UBASH3B: variants seen among roughly 807,000 people sequenced by gnomAD.
The protein encoded by UBASH3B is ubiquitin-associated and SH3 domain-containing protein B.
A neutral mutation model predicts 83.4 loss-of-function variants in UBASH3B; 37 were observed. The ratio of observed to expected loss-of-function variants is 0.44; its 90% CI spans 0.34 to 0.58. UBASH3B has a LOEUF of 0.58. Among genes scored for constraint, UBASH3B ranks in the 20% least tolerant of loss-of-function variants. The probability of loss-of-function intolerance (pLI) is 0.01; values close to 1 mark genes in which losing one functional copy is unlikely to be tolerated. For missense variants in UBASH3B, 657 were observed against 827.2 expected (o/e 0.79, Z 2.52); for synonymous variants, 304 against 318.3 (o/e 0.96, Z 0.48).
intron 1 of UBASH3B, among the ~76,000 whole-genome samples, chr11:122,661,978 C>A (rs562574280): frequency 4.1e-4 from 61 of 150,124 alleles, no homozygotes; most frequent in African/African-American, 1.5e-3. Context: ...GTGATCTCAG[C>A]TCACTGCAAC....
intron 10 of UBASH3B, among the ~76,000 whole-genome samples, chr11:122,799,313 C>A (rs1861209049): frequency 6.6e-6 from 1 of 152,012 alleles, no homozygotes. Context: ...CATGGAGAAA[C>A]CCCGTCTCTA....
intron 2 of UBASH3B, among the ~76,000 whole-genome samples, chr11:122,776,574 C>T (rs1241818977): frequency 1.3e-5 from 2 of 152,166 alleles, no homozygotes; most frequent in Admixed American, 6.5e-5. Context: ...TGAGAAAATC[C>T]ATTTAGAAAA....
intron 1 of UBASH3B, among the ~76,000 whole-genome samples, chr11:122,695,077 T>A (rs531109581): frequency 8.1e-5 from 12 of 148,446 alleles, no homozygotes; most frequent in African/African-American, 2.7e-4. Context: ...GATTCTCCTG[T>A]CTCAGCCTCC....
chr11:122,794,901 G>T (rs1003620166), intron 7 of UBASH3B, 67 bp downstream of exon 7: 1 of 1,597,270 alleles, frequency 6.3e-7, no homozygotes, highest in Non-Finnish European at 8.5e-7. Flanking sequence ...TATTTATTAA[G>T]CATGAGGCCT....
At chr11:122,711,374 C>T (rs992156461) in intron 1 of UBASH3B, among the ~76,000 whole-genome samples, 1 of 152,198 alleles carries the variant, frequency 6.6e-6, no homozygotes, top group African/African-American at 2.4e-5. Context: ...TTTCGTCACT[C>T]TCCAGCCACG....
At chr11:122,714,739 C>T (rs1860479988) in intron 1 of UBASH3B, among the ~76,000 whole-genome samples, 1 of 152,164 alleles carries the variant, frequency 6.6e-6, no homozygotes, top group Non-Finnish European at 1.5e-5. Flanking sequence ...GAAGCAATGT[C>T]AGCTGATGAT....
intron 11 of UBASH3B, among the ~76,000 whole-genome samples, chr11:122,804,707 G>A (rs1391039902): frequency 6.6e-6 from 1 of 152,162 alleles, no homozygotes; most frequent in South Asian, 2.1e-4. Flanking sequence ...TATTTTCAGT[G>A]CTAATAGTAG....
chr11:122,778,218 T>C (rs980621846), intron 3 of UBASH3B, among the ~76,000 whole-genome samples: 5 of 152,204 alleles, frequency 3.3e-5, no homozygotes, highest in African/African-American at 1.2e-4. Flanking sequence ...CTCTCTCTTT[T>C]TCTCTCTCTC....
At chr11:122,729,991 A>T (rs1370695107) in intron 1 of UBASH3B, among the ~76,000 whole-genome samples, 2 of 146,312 alleles carry the variant, frequency 1.4e-5, no homozygotes, top group Non-Finnish European at 3.0e-5. Context: ...AAAAAAAAAA[A>T]AAAAAAAAAA....
intron 1 of UBASH3B, among the ~76,000 whole-genome samples, chr11:122,734,452 T>C (rs1336225897): frequency 6.6e-6 from 1 of 152,084 alleles, no homozygotes; most frequent in East Asian, 1.9e-4. Context: ...ATGGTGTTCA[T>C]AGATTTACTA....
chr11:122,683,504 A>C (rs1863769396), intron 1 of UBASH3B, among the ~76,000 whole-genome samples: 1 of 151,754 alleles, frequency 6.6e-6, no homozygotes, highest in South Asian at 2.1e-4. Context: ...AATCCCAGCT[A>C]CTTGGGAGGC....
intron 1 of UBASH3B, among the ~76,000 whole-genome samples, chr11:122,703,583 AAAG>A (rs1401201793): frequency 6.6e-6 from 1 of 152,256 alleles, no homozygotes; most frequent in Admixed American, 6.5e-5. Flanking sequence ...TTGATTTCAA[AAAG>A]AAGTTTAGAT....
chr11:122,801,119 A>G (rs1861251304), intron 10 of UBASH3B, 69 bp from the exon 11 acceptor site: 1 of 1,571,156 alleles, frequency 6.4e-7, no homozygotes, highest in African/African-American at 1.4e-5. Context: ...ATTTATCAGA[A>G]TTTTTATAAC....
At chr11:122,685,815 C>T (rs1006329680) in intron 1 of UBASH3B, among the ~76,000 whole-genome samples, 8 of 152,222 alleles carry the variant, frequency 5.3e-5, no homozygotes, top group Non-Finnish European at 1.2e-4. Flanking sequence ...CTACCACACC[C>T]GGCCAGCACC....
At chr11:122,717,261 C>T (rs868200944) in intron 1 of UBASH3B, among the ~76,000 whole-genome samples, 1 of 152,346 alleles carries the variant, frequency 6.6e-6, no homozygotes, top group South Asian at 2.1e-4. Context: ...CTTCCAAATC[C>T]TCATTGCCTG....
chr11:122,767,502 G>A (rs967669805), intron 1 of UBASH3B, among the ~76,000 whole-genome samples: 1 of 152,010 alleles, frequency 6.6e-6, no homozygotes, highest in Non-Finnish European at 1.5e-5. Context: ...TAGTAGAGAC[G>A]AGGTTTCACC....
intron 1 of UBASH3B, among the ~76,000 whole-genome samples, chr11:122,691,289 T>C (rs771923178): frequency 1.7e-4 from 26 of 152,202 alleles, no homozygotes; most frequent in Non-Finnish European, 2.6e-4. Flanking sequence ...TCTGACTCCT[T>C]TTCTTTCCTC....
At position 122,783,072 on chromosome 11, in the gene UBASH3B, T is replaced by A. The variant is rs765324365; in HGVS notation, c.621T>A (p.His207Gln). The change falls in exon 5 of 14, where the codon CAT (histidine) becomes CAA (glutamine). Residue 207 changes from histidine (H) to glutamine (Q), a missense_variant. His to Gln is a conservative substitution (Grantham distance 24). Transcript: ENST00000284273. ...ASKTEVHVEPHKKQLHVTLAY... is the reference protein window; with the variant it reads ...ASKTEVHVEPQKKQLHVTLAY... ...TTCCAGAAGTGCATGTGGAACCTCATAAGAAGCAGCTACATGTGACCCTGG... is the reference window on the plus strand; with the variant it reads ...TTCCAGAAGTGCATGTGGAACCTCAAAAGAAGCAGCTACATGTGACCCTGG... 1.9e-6 allele frequency: 3 copies of A among 1,612,992 alleles called. No individual in the cohort carries two copies. Among genetic ancestry groups the A allele is most frequent in the African/African-American group, 2.7e-5 (2 of 74,856 alleles).
intron 1 of UBASH3B, among the ~76,000 whole-genome samples, chr11:122,704,066 G>A (rs1047487251): frequency 6.6e-6 from 1 of 152,160 alleles, no homozygotes; most frequent in Non-Finnish European, 1.5e-5. Context: ...TGCGGCGGTG[G>A]GGCTTTTGTA....
Sources: gnomAD v4.1 joint callset for allele counts (sites outside exome capture counted in the v4.1 genomes callset) on GRCh38, gnomAD v4.1.1 for gene constraint, MANE v1.5 for transcripts, NCBI Gene and HGNC (gene_info 2026-07-23, HGNC 2026-07-21) for gene names.